ZNF841: variants seen among roughly 807,000 people sequenced by gnomAD.
ZNF841 encodes TCONS_00006091.
ZNF841 carries 11 observed loss-of-function variants against 13.0 expected under a neutral mutation model. The observed-to-expected ratio is 0.85, with a 90% confidence interval of 0.53 to 1.40. ZNF841 has a LOEUF of 1.40. Among genes scored for constraint, ZNF841 ranks in the 40% most tolerant of loss-of-function variants. ZNF841 has a pLI of 0.00. For missense variants in ZNF841, 1,068 were observed against 1,139.5 expected (o/e 0.94, Z 0.90); for synonymous variants, 369 against 381.6 (o/e 0.97, Z 0.38).
downstream of ZNF841, among the ~76,000 whole-genome samples, chr19:52,061,156 T>C (rs980012991): frequency 6.6e-6 from 1 of 152,188 alleles, no homozygotes; most frequent in African/African-American, 2.4e-5. Context: ...CCTCCACTTT[T>C]CAAAGTCCTC....
intron 6 of ZNF841, among the ~76,000 whole-genome samples, chr19:52,068,902 G>T (rs1227754905): frequency 6.6e-6 from 1 of 151,952 alleles, no homozygotes; most frequent in Non-Finnish European, 1.5e-5. Context: ...AACCTGTAAG[G>T]GGGAGGTTGC....
chr19:52,075,994 C>G (rs181050237), intron 6 of ZNF841, 50 bp downstream of exon 6: 1 of 1,546,260 alleles, frequency 6.5e-7, no homozygotes, highest in Non-Finnish European at 8.7e-7. Flanking sequence ...CAGAGTCTTA[C>G]GCACACAATT....
intron 6 of ZNF841, among the ~76,000 whole-genome samples, chr19:52,071,586 G>T (rs2087740505): frequency 6.6e-6 from 1 of 152,094 alleles, no homozygotes; most frequent in Admixed American, 6.5e-5. Flanking sequence ...CAACATGGAA[G>T]CAGATCTGTA....
intron 3 of ZNF841, 134 bp from the exon 4 acceptor site, chr19:52,085,012 C>T (rs1052191074): frequency 5.7e-5 from 33 of 577,558 alleles, no homozygotes; most frequent in Non-Finnish European, 9.4e-5. Flanking sequence ...GCATAATAAA[C>T]TCCTACACAA....
rs2088216920 is a variant in ZNF841 at position 52,084,808 on chromosome 19, C to CTCCTTT, written c.-13_-8dup. 1 of 1,613,114 alleles carries CTCCTTT rather than the reference C, an allele frequency of 6.2e-7. No homozygotes were observed. Among genetic ancestry groups the CTCCTTT allele is most frequent in the Admixed American group, 1.7e-5 (1 of 59,820 alleles). ...TTACCTGAGGAAGAGCCATCCCTGG[C>CTCCTTT]TCCTTTTCTTTCTTCTTTCTCTCCT... On this transcript the variant is annotated 5_prime_UTR_variant, in exon 4 of 7. Transcript: ENST00000594440.
chr19:52,092,704 G>C (rs2088539106), intron 2 of ZNF841, among the ~76,000 whole-genome samples: 1 of 152,240 alleles, frequency 6.6e-6, no homozygotes, highest in Admixed American at 6.5e-5. Flanking sequence ...AGGCATAGCA[G>C]TTCATGGCTG....
rs749554827 is a variant in ZNF841, at chr19:52,065,469, G to A, written c.2413C>T (p.Arg805Cys). Residue 805 changes from arginine (R) to cysteine (C), a missense_variant, in exon 7 of 7, where the codon CGT becomes TGT. Arg to Cys is a radical substitution (Grantham distance 180, BLOSUM62 -3). Coordinates refer to ENST00000594440, the MANE Select transcript of ZNF841 (RefSeq NM_001136499.2). ...CNECGKAFRV[R>C]SILLNHQMMH... ...ATCTGATGATTAAGCAGAATTGAACGTACTCTAAAGGCTTTGCCACACTCA... is the reference window on the plus strand; with the variant it reads ...ATCTGATGATTAAGCAGAATTGAACATACTCTAAAGGCTTTGCCACACTCA... 73 of 1,613,360 alleles carry A rather than the reference G, an allele frequency of 4.5e-5. No homozygotes were observed. Among genetic ancestry groups the A allele is most frequent in the African/African-American group, 5.4e-5 (4 of 74,740 alleles).
At chr19:52,089,887 T>C (rs536413910) in intron 2 of ZNF841, among the ~76,000 whole-genome samples, 7 of 152,190 alleles carry the variant, frequency 4.6e-5, no homozygotes, top group Non-Finnish European at 8.8e-5. Context: ...CATGCATGCA[T>C]GAACAAACTA....
intron 4 of ZNF841, among the ~76,000 whole-genome samples, chr19:52,083,079 CA>C (rs60065931): frequency 0.2 from 23,956 of 118,492 alleles, 2,319 homozygotes; most frequent in East Asian, 0.41. Flanking sequence ...GACTCCGTCT[CA>C]AAAAAAAAAA....
intron 2 of ZNF841, among the ~76,000 whole-genome samples, chr19:52,090,857 G>A (rs774952337): frequency 5.9e-5 from 9 of 152,032 alleles, no homozygotes; most frequent in African/African-American, 9.7e-5. Context: ...CTGCCCTGCC[G>A]CCAGAAGGTA....
chr19:52,093,632 A>T (rs560068337), intron 2 of ZNF841, among the ~76,000 whole-genome samples: 1 of 152,342 alleles, frequency 6.6e-6, no homozygotes, highest in South Asian at 2.1e-4. Flanking sequence ...TCAAAAAATG[A>T]TGGCACTTAA....
chr19:52,079,757 C>T (rs188309154), intron 4 of ZNF841, among the ~76,000 whole-genome samples: 43 of 152,018 alleles, frequency 2.8e-4, no homozygotes, highest in African/African-American at 8.7e-4. Context: ...TTTGGGAGGC[C>T]AAGGCGGGAG....
At chr19:52,092,433 C>T (rs547404734) in intron 2 of ZNF841, among the ~76,000 whole-genome samples, 1 of 152,126 alleles carries the variant, frequency 6.6e-6, no homozygotes, top group Admixed American at 6.5e-5. Flanking sequence ...TAATCAAAAC[C>T]ACCATAAGCT....
chr19:52,090,876 G>A (rs1049107752), intron 2 of ZNF841, among the ~76,000 whole-genome samples: 1 of 152,078 alleles, frequency 6.6e-6, no homozygotes, highest in Admixed American at 6.6e-5. Flanking sequence ...TATGCTGAGT[G>A]CAATTACTCC....
In ZNF841 at chr19:52,065,845, G is replaced by A; in HGVS notation, c.2037C>T (p.Asn679=). 1 of 1,613,498 alleles carries A rather than the reference G, an allele frequency of 6.2e-7. No individual in the cohort carries two copies. Among genetic ancestry groups the A allele is most frequent in the African/African-American group, 1.3e-5 (1 of 74,876 alleles). ...CACCAAATTCATTACAGTGGTAAGG[G>A]TTCTCTCCAGTATGAATTACCAGAT... The part of the protein sequence containing the change: ...TKHLVIHTGE[N]PYHCNEFGEA... Residue 679 remains asparagine, a synonymous_variant, in exon 7 of 7, where the codon AAC becomes AAT. Coordinates refer to ENST00000594440, the MANE Select transcript of ZNF841 (RefSeq NM_001136499.2).
intron 6 of ZNF841, among the ~76,000 whole-genome samples, chr19:52,074,274 A>C (rs1171896550): frequency 1.3e-5 from 2 of 152,264 alleles, no homozygotes; most frequent in Non-Finnish European, 2.9e-5. Context: ...GAACTGATTA[A>C]ATAAATAAAA....
chr19:52,070,078 C>T (rs1322161270), intron 6 of ZNF841, among the ~76,000 whole-genome samples: 1 of 151,998 alleles, frequency 6.6e-6, no homozygotes, highest in Non-Finnish European at 1.5e-5. Flanking sequence ...GTATCTATAC[C>T]CAATTTACAA....
intron 6 of ZNF841, among the ~76,000 whole-genome samples, chr19:52,069,047 C>T (rs11669439): frequency 0.31 from 46,862 of 151,952 alleles, 7,675 homozygotes; most frequent in South Asian, 0.59. Flanking sequence ...TAACAAACAA[C>T]AGAGCAAGTC....
chr19:52,082,877 G>A (rs149589822), intron 4 of ZNF841, among the ~76,000 whole-genome samples: 4 of 152,116 alleles, frequency 2.6e-5, no homozygotes, highest in Admixed American at 6.5e-5. Context: ...TCAGGAGATC[G>A]AGACCATCCT....
Sources: gnomAD v4.1 joint callset for allele counts (sites outside exome capture counted in the v4.1 genomes callset) on GRCh38, gnomAD v4.1.1 for gene constraint, MANE v1.5 for transcripts, NCBI Gene and HGNC (gene_info 2026-07-23, HGNC 2026-07-21) for gene names.